Variants in FBXL17 observed in about 807,000 individuals in gnomAD.
The protein encoded by FBXL17 is F-box and leucine rich repeat protein 17.
Under a neutral mutation model 66.2 loss-of-function variants are expected in FBXL17, and 22 were observed. The ratio of observed to expected loss-of-function variants is 0.33; its 90% CI spans 0.24 to 0.47. The LOEUF (loss-of-function observed/expected upper bound fraction) is 0.47. FBXL17 is among the 20% of genes least tolerant of loss of function. FBXL17 has a pLI of 1.00. For missense variants in FBXL17, 878 were observed against 948.2 expected, an observed-to-expected ratio of 0.93 and a Z score of 0.97; for synonymous variants, 474 against 400.5, an observed-to-expected ratio of 1.18 and a Z score of -2.19.
chr5:108,054,883 T>C (rs1747625501), intron 6 of FBXL17, among the ~76,000 whole-genome samples: 1 of 152,112 alleles, frequency 6.6e-6, no homozygotes, highest in South Asian at 2.1e-4. Context: ...GTCTGCCTCT[T>C]CTCTTCCCCA....
chr5:108,302,783 TC>T (rs1758653043), intron 4 of FBXL17, among the ~76,000 whole-genome samples: 2 of 151,968 alleles, frequency 1.3e-5, no homozygotes, highest in East Asian at 3.9e-4. Context: ...TAGATACGCC[TC>T]ATTTTCTAAA....
intron 7 of FBXL17, among the ~76,000 whole-genome samples, chr5:107,990,487 A>G (rs1753197860): frequency 6.6e-6 from 1 of 152,200 alleles, no homozygotes; most frequent in Admixed American, 6.5e-5. Flanking sequence ...TTCTGGCTCC[A>G]TGACTTAAAA....
intron 4 of FBXL17, chr5:108,298,479 T>C (rs1188622006): frequency 1.0e-6 from 1 of 974,098 alleles, no homozygotes; most frequent in East Asian, 1.1e-4. Flanking sequence ...TGAAAGCATC[T>C]AAAGCCCTAA....
At chr5:108,011,404 A>G (rs1754163193) in intron 7 of FBXL17, among the ~76,000 whole-genome samples, 1 of 152,180 alleles carries the variant, frequency 6.6e-6, no homozygotes, top group South Asian at 2.1e-4. Flanking sequence ...AATAAGGAAC[A>G]CTAAAGCTAA....
chr5:108,215,289 T>C (rs1337748138), intron 5 of FBXL17, among the ~76,000 whole-genome samples: 1 of 152,264 alleles, frequency 6.6e-6, no homozygotes, highest in African/African-American at 2.4e-5. Flanking sequence ...ACTGCCAATC[T>C]GTTTTCCATA....
intron 5 of FBXL17, among the ~76,000 whole-genome samples, chr5:108,197,711 A>G (rs554265395): frequency 1.6e-4 from 25 of 152,308 alleles, no homozygotes; most frequent in African/African-American, 5.8e-4. Flanking sequence ...AAGGAATGAT[A>G]GTAATGATTT....
intron 7 of FBXL17, among the ~76,000 whole-genome samples, chr5:108,000,129 T>C (rs768761284): frequency 6.6e-6 from 1 of 152,252 alleles, no homozygotes; most frequent in South Asian, 2.1e-4. Context: ...TCCTCCCTTC[T>C]AGATTTGCTG....
chr5:108,355,948 G>C lies in FBXL17; in HGVS notation c.1375-7418C>G, dbSNP rs1453428290. ...CAACTAAAAGACAGATTGTCAAAAT[G>C]GATCAAAAAACAAGACCCAACTCTA... is the stretch of plus-strand genomic sequence containing the variant. On this transcript the variant is annotated intron_variant, in intron 3 of 8. Coordinates refer to ENST00000542267, the MANE Select transcript of FBXL17 (RefSeq NM_001163315.3). 7.2e-5 allele frequency among the ~76,000 whole-genome samples: 11 copies of C among 152,026 alleles called. No homozygotes were observed. In the East Asian group the frequency reaches 1.9e-3, roughly 27 times the overall value.
At chr5:108,329,827 T>G (rs7733036) in intron 4 of FBXL17, among the ~76,000 whole-genome samples, 18,562 of 152,094 alleles carry the variant, frequency 0.12, 1,380 homozygotes, top group Admixed American at 0.16. Context: ...GTATACAATA[T>G]ATGAGAGGTT....
intron 5 of FBXL17, among the ~76,000 whole-genome samples, chr5:108,216,698 C>A (rs1173661077): frequency 6.6e-6 from 1 of 151,990 alleles, no homozygotes; most frequent in Non-Finnish European, 1.5e-5. Flanking sequence ...GGGAAGGGTC[C>A]CAGAGAGGCC....
At chr5:108,186,287 G>A (rs921577296) in intron 5 of FBXL17, 40 bp from the exon 6 acceptor site, 9 of 1,573,528 alleles carry the variant, frequency 5.7e-6, no homozygotes, top group East Asian at 2.3e-5. Context: ...AAAGGTAAAT[G>A]CTACATTCAC....
chr5:107,943,329 T>C (rs1324529082), intron 7 of FBXL17, among the ~76,000 whole-genome samples: 1 of 152,088 alleles, frequency 6.6e-6, no homozygotes, highest in Non-Finnish European at 1.5e-5. Flanking sequence ...TCACACCATC[T>C]TCCCCCACAA....
chr5:107,884,318 A>C (rs1748890470), intron 7 of FBXL17, among the ~76,000 whole-genome samples: 1 of 152,170 alleles, frequency 6.6e-6, no homozygotes, highest in South Asian at 2.1e-4. Context: ...CTGCAGAACA[A>C]TAACCATTTC....
intron 7 of FBXL17, among the ~76,000 whole-genome samples, chr5:107,911,747 G>A (rs1749953968): frequency 6.6e-6 from 1 of 152,086 alleles, no homozygotes; most frequent in Non-Finnish European, 1.5e-5. Context: ...TACATTTTAA[G>A]CCAAGATAAA....
intron 4 of FBXL17, among the ~76,000 whole-genome samples, chr5:108,326,171 A>C (rs1759839408): frequency 6.6e-6 from 1 of 152,264 alleles, no homozygotes; most frequent in African/African-American, 2.4e-5. Context: ...TCTTCAAAAG[A>C]CTCTATTAAA....
intron 4 of FBXL17, among the ~76,000 whole-genome samples, chr5:108,275,613 A>G (rs113880917): frequency 9.2e-5 from 14 of 152,326 alleles, no homozygotes; most frequent in African/African-American, 3.4e-4. Flanking sequence ...CTATATAAAT[A>G]GTTCTTGAAT....
At chr5:107,975,944 C>T (rs1483717714) in intron 7 of FBXL17, among the ~76,000 whole-genome samples, 3 of 151,174 alleles carry the variant, frequency 2.0e-5, no homozygotes, top group South Asian at 2.1e-4. Context: ...CTGCAACCTC[C>T]GCCTCTTGGG....
chr5:108,273,432 A>C (rs1425583398), intron 4 of FBXL17, among the ~76,000 whole-genome samples: 1 of 151,954 alleles, frequency 6.6e-6, no homozygotes, highest in Non-Finnish European at 1.5e-5. Flanking sequence ...GAAAGTATAC[A>C]TAAAAGTTTA....
chr5:107,928,137 A>G (rs1224091634), intron 7 of FBXL17, among the ~76,000 whole-genome samples: 1 of 152,092 alleles, frequency 6.6e-6, no homozygotes, highest in Non-Finnish European at 1.5e-5. Flanking sequence ...TGGGTGCAGG[A>G]AACCAGTATA....
Sources: gnomAD v4.1 joint callset for allele counts (sites outside exome capture counted in the v4.1 genomes callset) on GRCh38, gnomAD v4.1.1 for gene constraint, MANE v1.5 for transcripts, NCBI Gene and HGNC (gene_info 2026-07-23, HGNC 2026-07-21) for gene names.